The following SLC5A4 variants were observed in gnomAD, a reference collection of about 807,000 sequenced individuals.
SLC5A4 encodes solute carrier family 5 member 4.
SLC5A4 carries 55 observed loss-of-function variants against 70.3 expected under a neutral mutation model. The observed-to-expected ratio is 0.78, with a 90% confidence interval of 0.63 to 0.98. The LOEUF (loss-of-function observed/expected upper bound fraction) is 0.98. Among genes scored for constraint, SLC5A4 ranks in the 50% least tolerant of loss-of-function variants. The pLI is 0.00. For missense variants in SLC5A4, 735 were observed against 839.2 expected, an observed-to-expected ratio of 0.88 and a Z score of 1.53; for synonymous variants, 268 against 305.7, an observed-to-expected ratio of 0.88 and a Z score of 1.29.
At chr22:32,268,567 C>G in the SLC5A4 span, 1 of 152,644 alleles carries the variant, frequency 6.6e-6, no homozygotes, top group African/African-American at 2.4e-5. Flanking sequence ...CCCAAAGACG[C>G]TGAAGTTCCA....
intron 2 of SLC5A4, among the ~76,000 whole-genome samples, chr22:32,253,339 T>A (rs1927283048): frequency 6.6e-6 from 1 of 152,072 alleles, no homozygotes; most frequent in Non-Finnish European, 1.5e-5. Context: ...TGGGCAAGAA[T>A]CAAGAGGCAT....
chr22:32,324,685 AGCCCGG>A, the SLC5A4 span, among the ~76,000 whole-genome samples: 1 of 152,178 alleles, frequency 6.6e-6, no homozygotes, highest in Non-Finnish European at 1.5e-5. Flanking sequence ...GTGTCAGACA[AGCCCGG>A]GTTCAGGTCC....
At chr22:32,282,854 G>A in the SLC5A4 span, among the ~76,000 whole-genome samples, 1 of 152,104 alleles carries the variant, frequency 6.6e-6, no homozygotes, top group Admixed American at 6.5e-5. Flanking sequence ...TCGTTCCATT[G>A]CCCCAGCGCA....
chr22:32,302,530 C>G, the SLC5A4 span, among the ~76,000 whole-genome samples: 2 of 152,008 alleles, frequency 1.3e-5, no homozygotes, highest in Admixed American at 6.6e-5. Context: ...TCTATTTTGT[C>G]TTTTTCCTAT....
At chr22:32,243,881 G>A (rs1926670761) in intron 5 of SLC5A4, among the ~76,000 whole-genome samples, 2 of 152,138 alleles carry the variant, frequency 1.3e-5, no homozygotes, top group African/African-American at 2.4e-5. Flanking sequence ...CCTGGCTACT[G>A]GGGAGGCTGA....
At chr22:32,238,439 G>A (rs1926191725) in intron 6 of SLC5A4, among the ~76,000 whole-genome samples, 1 of 152,214 alleles carries the variant, frequency 6.6e-6, no homozygotes, top group South Asian at 2.1e-4. Context: ...TTCCAACTCA[G>A]CTGGTATACT....
chr22:32,261,071 A>AC, the SLC5A4 span, among the ~76,000 whole-genome samples: 3,857 of 152,000 alleles, frequency 0.025, 69 homozygotes, highest in African/African-American at 0.057. Flanking sequence ...AAAAAAAAAA[A>AC]AAGTCACGAG....
At position 32,237,409 on chromosome 22, in the gene SLC5A4, C is replaced by A. The variant is rs1926128234; in HGVS notation, c.584-85G>T. Reference sequence around the variant, plus strand: ...TCACCACTGGGTTCTCCTCCACCCACAACCCTGGAAATGACCCAGTAGAAG... The same window carrying A: ...TCACCACTGGGTTCTCCTCCACCCAAAACCCTGGAAATGACCCAGTAGAAG... On this transcript the variant is annotated intron_variant, in intron 6 of 14. Coordinates refer to ENST00000266086, the MANE Select transcript of SLC5A4 (RefSeq NM_014227.3). The A allele has an allele frequency of 3.4e-6, 3 of 890,700 alleles. No individual in the cohort carries two copies. In the East Asian group the frequency reaches 8.2e-5, roughly 24 times the overall value. The allele number at this position is 890,700 out of a possible 1,614,324, so 55.2% of individuals were successfully genotyped here.
In SLC5A4 at chr22:32,234,958, C is replaced by A. The variant is rs775781003; in HGVS notation, c.800G>T (p.Arg267Leu). The A allele has an allele frequency of 6.2e-7, 1 of 1,613,134 alleles. No individual in the cohort carries two copies. The highest frequency in any genetic ancestry group is 1.1e-5 in the South Asian group (1 of 91,048). The stretch of plus-strand genomic sequence containing the variant: ...TGGAATGTCCCCAGTCACAGCATCT[C>A]GGAAGATGTGGAAGGAGTCCGCCCG... The part of the protein sequence containing the change: ...TPRADSFHIF[R>L]DAVTGDIPWP... Residue 267 changes from arginine to leucine, a missense_variant, in exon 8 of 15, where the codon CGA becomes CTA. Physicochemically the swap from Arg to Leu is moderately radical, Grantham distance 102. Coordinates refer to ENST00000266086, the MANE Select transcript of SLC5A4 (RefSeq NM_014227.3).
At chr22:32,332,065 T>G in the SLC5A4 span, among the ~76,000 whole-genome samples, 6 of 148,096 alleles carry the variant, frequency 4.1e-5, no homozygotes, top group African/African-American at 1.5e-4. Context: ...TCCCATGGAC[T>G]CCACTCCCTG....
At chr22:32,257,213 A>G (rs533225113), upstream of SLC5A4, among the ~76,000 whole-genome samples, 1 of 152,294 alleles carries the variant, frequency 6.6e-6, no homozygotes, top group African/African-American at 2.4e-5. Flanking sequence ...CTTCTTGGAG[A>G]GAGATATATT....
At chr22:32,330,601 GGAAAC>G in the SLC5A4 span, among the ~76,000 whole-genome samples, 2 of 111,360 alleles carry the variant, frequency 1.8e-5, no homozygotes, top group East Asian at 4.5e-4. Context: ...TGTGTGTGTA[GGAAAC>G]TGTTGTGTCA....
the SLC5A4 span, among the ~76,000 whole-genome samples, chr22:32,287,172 A>G: frequency 6.6e-6 from 1 of 152,228 alleles, no homozygotes; most frequent in African/African-American, 2.4e-5. Context: ...GAACTAAAAA[A>G]GGCTCGGACT....
In SLC5A4 at chr22:32,240,755, C is replaced by T. The variant is rs567274138; in HGVS notation, c.478-1665G>A. On this transcript the variant is annotated intron_variant, in intron 5 of 14. Transcript: ENST00000266086. ...TATCATCATTTTGCATCTGAGAAAA[C>T]TGAGGCTTAGGGAATTTGTCCTAGA... Among the ~76,000 whole-genome samples, 139 of 152,214 alleles carry T rather than the reference C, an allele frequency of 9.1e-4. 1 individual carries two copies. Among genetic ancestry groups the T allele is most frequent in the Admixed American group, 5.0e-3 (76 of 15,282 alleles).
At chr22:32,224,171 T>C (rs957693245) in intron 13 of SLC5A4, 96 bp downstream of exon 13, 32 of 885,486 alleles carry the variant, frequency 3.6e-5, no homozygotes, top group Non-Finnish European at 5.3e-5. Flanking sequence ...CCGCCCGCCT[T>C]GGCCTCCCAA....
the SLC5A4 span, among the ~76,000 whole-genome samples, chr22:32,331,820 C>A: frequency 1.3e-5 from 2 of 152,086 alleles, no homozygotes; most frequent in African/African-American, 4.8e-5. Flanking sequence ...GGCTTCCAGA[C>A]CCCATTCGCC....
At chr22:32,331,322 G>C in the SLC5A4 span, among the ~76,000 whole-genome samples, 1 of 152,008 alleles carries the variant, frequency 6.6e-6, no homozygotes, top group East Asian at 1.9e-4. Flanking sequence ...TGGCCTCTCT[G>C]AGCCTGAGTT....
the SLC5A4 span, among the ~76,000 whole-genome samples, chr22:32,338,011 G>A: frequency 6.6e-6 from 1 of 151,558 alleles, no homozygotes; most frequent in Non-Finnish European, 1.5e-5. Context: ...GAACTCTCTT[G>A]AGTCAGTGTG....
the SLC5A4 span, among the ~76,000 whole-genome samples, chr22:32,325,805 T>C: frequency 1.3e-5 from 2 of 152,228 alleles, no homozygotes; most frequent in African/African-American, 4.8e-5. Context: ...AGAGACAATG[T>C]CACTAGCCCA....
Sources: allele counts gnomAD v4.1 joint callset (sites outside exome capture counted in the v4.1 genomes callset), GRCh38; gene constraint gnomAD v4.1.1; transcripts MANE v1.5; gene names NCBI Gene and HGNC (gene_info 2026-07-23, HGNC 2026-07-21).